The following SGF29 variants were observed in gnomAD, a reference collection of about 807,000 sequenced individuals.
SGF29 encodes SAGA complex associated factor 29, also known as SAGA-associated factor 29.
SGF29 carries 15 observed loss-of-function variants against 38.1 expected under a neutral mutation model. The ratio of observed to expected loss-of-function variants is 0.39; its 90% confidence interval spans 0.26 to 0.61. SGF29 has a LOEUF of 0.61. SGF29 is among the 20% of genes least tolerant of loss of function. The pLI is 0.49. For synonymous variants in SGF29, 151 were observed against 160.8 expected, an observed-to-expected ratio of 0.94 and a Z score of 0.46; for missense variants, 184 against 394.6, an observed-to-expected ratio of 0.47 and a Z score of 4.52.
chr16:28,565,862 C>T (rs942989593), intron 1 of SGF29, among the ~76,000 whole-genome samples: 2 of 152,070 alleles, frequency 1.3e-5, no homozygotes, highest in Non-Finnish European at 2.9e-5. Context: ...GTGCCAGGCT[C>T]TCTGCTAGGT....
intron 1 of SGF29, among the ~76,000 whole-genome samples, chr16:28,575,587 A>T (rs2046887895): frequency 6.6e-6 from 1 of 152,228 alleles, no homozygotes. Flanking sequence ...CAGGAGGCTG[A>T]GGCAGGAAAA....
At chr16:28,583,374 T>C (rs2046937565) in intron 2 of SGF29, among the ~76,000 whole-genome samples, 2 of 152,196 alleles carry the variant, frequency 1.3e-5, no homozygotes, top group South Asian at 4.1e-4. Flanking sequence ...AGTACTAGTC[T>C]AGCAAGTATC....
chr16:28,580,200 C>T (rs1160670397), intron 1 of SGF29, among the ~76,000 whole-genome samples: 1 of 152,090 alleles, frequency 6.6e-6, no homozygotes, highest in Non-Finnish European at 1.5e-5. Flanking sequence ...TCCTTGACTC[C>T]TTGACTTCGT....
In SGF29 at chr16:28,557,674, G is replaced by T. The variant is rs1176868854; in HGVS notation, c.-16+3577G>T. 2.0e-5 allele frequency among the ~76,000 whole-genome samples: 3 copies of T among 152,136 alleles called. No individual in the cohort carries two copies. In the East Asian group the frequency reaches 5.8e-4, roughly 29 times the overall value. ...CGTGGGACTGAGCCCTCAACCTGTGGGGTTTGACACTCTGTCTGGGTGGAT... is the reference window on the plus strand; with the variant it reads ...CGTGGGACTGAGCCCTCAACCTGTGTGGTTTGACACTCTGTCTGGGTGGAT... On this transcript the variant is annotated intron_variant, in intron 1 of 9. Transcript: ENST00000317058.
intron 1 of SGF29, among the ~76,000 whole-genome samples, chr16:28,566,755 A>T (rs2046838121): frequency 1.3e-5 from 2 of 152,076 alleles, no homozygotes. Flanking sequence ...ACTGCATACT[A>T]GCCTGGGCAA....
chr16:28,585,387 A>G, intron 3 of SGF29: 1 of 564,830 alleles, frequency 1.8e-6, no homozygotes, highest in Non-Finnish European at 3.2e-6. Flanking sequence ...GGTCCTGACA[A>G]ATATTTTCTG....
intron 1 of SGF29, among the ~76,000 whole-genome samples, chr16:28,574,722 ACTTT>A (rs2046883626): frequency 6.6e-6 from 1 of 152,034 alleles, no homozygotes; most frequent in Non-Finnish European, 1.5e-5. Flanking sequence ...CCACACCTTC[ACTTT>A]CTTTGTTATG....
chr16:28,584,857 G>A, intron 2 of SGF29, 56 bp from the exon 3 acceptor site: 1 of 1,325,968 alleles, frequency 7.5e-7, no homozygotes, highest in South Asian at 1.2e-5. Context: ...TGGCTGGCAG[G>A]GTACCACAGC....
chr16:28,583,729 C>G (rs963491055), intron 2 of SGF29, among the ~76,000 whole-genome samples: 34 of 152,186 alleles, frequency 2.2e-4, no homozygotes, highest in African/African-American at 8.0e-4. Flanking sequence ...TATTTCTGGA[C>G]TCTGAATTCT....
chr16:28,591,478 A>T, intron 9 of SGF29, 112 bp from the exon 10 acceptor site: 1 of 754,164 alleles, frequency 1.3e-6, no homozygotes, highest in Non-Finnish European at 2.4e-6. Context: ...GGATGTTAGG[A>T]GTGGCTGAGA....
At chr16:28,588,468 T>G (rs2046967744) in intron 4 of SGF29, 1 of 335,712 alleles carries the variant, frequency 3.0e-6, no homozygotes, top group Admixed American at 4.2e-5. Context: ...TCCTTTCCTC[T>G]CTGGGATCCT....
At chr16:28,582,792 G>A (rs565882868) in intron 2 of SGF29, among the ~76,000 whole-genome samples, 30 of 152,018 alleles carry the variant, frequency 2.0e-4, no homozygotes, top group East Asian at 3.9e-4. Flanking sequence ...AAAATTAGCC[G>A]GGCGTGGTGG....
In SGF29 at chr16:28,564,537, A is replaced by ATGTGTG. The variant is rs1555474731; in HGVS notation, c.-16+10443_-16+10444insGTGTGT. Among the ~76,000 whole-genome samples, 403 of 107,324 alleles carry ATGTGTG rather than the reference A, an allele frequency of 3.8e-3. 5 individuals carry two copies. The highest frequency in any genetic ancestry group is 0.013 in the African/African-American group (385 of 29,022). 70.4% of individuals were successfully genotyped at this position (107,324 alleles called of 152,430 possible). On this transcript the variant is annotated intron_variant, in intron 1 of 9. Transcript: ENST00000317058. ...TATATATATGTGTGTGTATATATAT[A>ATGTGTG]TGTATATATATACGTATATATATAT...
At chr16:28,560,214 ACT>A (rs377215503) in intron 1 of SGF29, among the ~76,000 whole-genome samples, 4 of 151,444 alleles carry the variant, frequency 2.6e-5, no homozygotes, top group South Asian at 2.1e-4. Flanking sequence ...ACAGAGCAAG[ACT>A]CTGACTCAAA....
At position 28,590,637 on chromosome 16, in the gene SGF29, G is replaced by A. The variant is rs1271912993; in HGVS notation, c.573G>A (p.Glu191=). ...VSYSHATNKY[E]VDDIDEEGKE... is the part of the protein sequence containing the mutation. ...TTCCTCCTTTTGTCTGCAGGTATGA[G>A]GTAGATGACATCGATGAAGAAGGCA... Residue 191 remains glutamate (E), a synonymous_variant, in exon 8 of 10, where the codon GAG becomes GAA. Coordinates refer to ENST00000317058, the MANE Select transcript of SGF29 (RefSeq NM_138414.3). The surrounding 1 kb of genome is among the most constrained non-coding windows in gnomAD (Gnocchi z 8.2). 1.9e-6 allele frequency: 3 copies of A among 1,613,776 alleles called. No homozygotes were observed. Among genetic ancestry groups the A allele is most frequent in the Non-Finnish European group, 1.7e-6 (2 of 1,180,012 alleles).
Position 28,590,963 on chromosome 16 carries a change from T to C in SGF29, c.765+28T>C. 1 of 1,582,676 alleles carries C rather than the reference T, an allele frequency of 6.3e-7. No individual in the cohort carries two copies. Among genetic ancestry groups the C allele is most frequent in the Non-Finnish European group, 8.6e-7 (1 of 1,162,766 alleles). On this transcript the variant is annotated intron_variant, in intron 9 of 9. Coordinates refer to ENST00000317058, the MANE Select transcript of SGF29 (RefSeq NM_138414.3). The surrounding 1 kb of genome is among the most constrained non-coding windows in gnomAD (Gnocchi z 8.2). ...AAAGCAGCCTCCAGGGGAGAGGCCA[T>C]GGGTGATGTCAGGAACAGGCTGATC...
At position 28,590,546 on chromosome 16, in the gene SGF29, G is replaced by T; in HGVS notation, c.567-85G>T. 6.2e-7 allele frequency: 1 copy of T among 1,612,200 alleles called. No homozygotes were observed. The highest frequency in any genetic ancestry group is 8.5e-7 in the Non-Finnish European group (1 of 1,179,314). On this transcript the variant is annotated intron_variant, in intron 7 of 9. Coordinates refer to ENST00000317058, the MANE Select transcript of SGF29 (RefSeq NM_138414.3). The surrounding 1 kb of genome is among the most constrained non-coding windows in gnomAD (Gnocchi z 8.2). ...GCTCCCCAGAGGCTGGTTGTGCAGGGAGCACCAGGTCCTCCCCCATCCTCA... is the reference window on the plus strand; with the variant it reads ...GCTCCCCAGAGGCTGGTTGTGCAGGTAGCACCAGGTCCTCCCCCATCCTCA...
intron 1 of SGF29, among the ~76,000 whole-genome samples, chr16:28,580,516 T>TCCAGTCGCTGCTTCTGTCTGCA (rs568620257): frequency 1.1e-3 from 175 of 152,284 alleles, no homozygotes; most frequent in Admixed American, 2.6e-3. Flanking sequence ...GCTGTCCAAG[T>TCCAGTCGCTGCTTCTGTCTGCA]CCAGTCGCTG....
At chr16:28,564,613 A>G (rs1280893016) in intron 1 of SGF29, among the ~76,000 whole-genome samples, 31 of 131,602 alleles carry the variant, frequency 2.4e-4, no homozygotes, top group African/African-American at 8.4e-4. Context: ...GTGTATATAT[A>G]TACATATATG....
Sources: allele counts gnomAD v4.1 joint callset (sites outside exome capture counted in the v4.1 genomes callset), GRCh38; gene constraint gnomAD v4.1.1; non-coding constraint Gnocchi (gnomAD v3.1); transcripts MANE v1.5; gene names NCBI Gene and HGNC (gene_info 2026-07-23, HGNC 2026-07-21).